TAF13: variants seen among roughly 807,000 people sequenced by gnomAD.
The protein encoded by TAF13 is TATA-box binding protein associated factor 13, also known as transcription initiation factor TFIID subunit 13.
Under a neutral mutation model 18.7 loss-of-function variants are expected in TAF13, and 9 were observed. That is an observed-to-expected ratio of 0.48 (90% CI 0.29 to 0.84). TAF13 has a LOEUF of 0.84. Among genes scored for constraint, TAF13 ranks in the 40% least tolerant of loss-of-function variants. The pLI, the probability that TAF13 is intolerant of heterozygous loss-of-function variation, is 0.08. For missense variants in TAF13, 105 were observed against 146.5 expected, an observed-to-expected ratio of 0.72 and a Z score of 1.46; for synonymous variants, 49 against 44.1, an observed-to-expected ratio of 1.11 and a Z score of -0.44.
chr1:109,071,729 G>A (rs141056309), intron 2 of TAF13, among the ~76,000 whole-genome samples: 2,403 of 151,556 alleles, frequency 0.016, 63 homozygotes, highest in African/African-American at 0.055. Flanking sequence ...CTGAGACGGC[G>A]GATCATGAGG....
chr1:109,065,242 C>A (rs1663932439), intron 3 of TAF13, among the ~76,000 whole-genome samples: 1 of 152,128 alleles, frequency 6.6e-6, no homozygotes, highest in Admixed American at 6.6e-5. Flanking sequence ...TGTAATCCAG[C>A]ACTTTGGGAG....
At chr1:109,074,892 T>C (rs1184526013) in intron 2 of TAF13, 95 bp downstream of exon 2, 3 of 916,060 alleles carry the variant, frequency 3.3e-6, no homozygotes, top group Non-Finnish European at 5.0e-6. Context: ...ATATTATCCC[T>C]ACAGGGAAAC....
intron 2 of TAF13, among the ~76,000 whole-genome samples, chr1:109,066,963 C>T (rs1420904515): frequency 6.6e-6 from 1 of 152,114 alleles, no homozygotes; most frequent in Admixed American, 6.5e-5. Flanking sequence ...TGGTGATCTG[C>T]GTGCCTCAGC....
chr1:109,075,667 ATC>A (rs1664166452), intron 1 of TAF13, among the ~76,000 whole-genome samples: 3 of 152,148 alleles, frequency 2.0e-5, no homozygotes, highest in Non-Finnish European at 1.5e-5. Context: ...GTTAGTTTTG[ATC>A]TCTGATGATT....
chr1:109,071,198 T>G (rs1380926183), intron 2 of TAF13, among the ~76,000 whole-genome samples: 5 of 152,184 alleles, frequency 3.3e-5, no homozygotes, highest in African/African-American at 9.6e-5. Context: ...TCCAGCACTT[T>G]GGGAGGCCGA....
rs570405119 is a variant in TAF13 at position 109,074,819 on chromosome 1, T to C, written c.106+168A>G. ...AGCAATTTATACACACACACACAAT[T>C]GGGGTTAGGATTGGTACTATCTGAT... On this transcript the variant is annotated intron_variant, in intron 2 of 3. Coordinates refer to ENST00000338366, the MANE Select transcript of TAF13 (RefSeq NM_005645.4). Among the ~76,000 whole-genome samples the C allele has an allele frequency of 1.1e-4, 17 of 151,576 alleles. 1 individual carries two copies. The East Asian group carries it at 1.9e-3, about 17-fold the overall frequency.
At position 109,064,680 on chromosome 1, in the gene TAF13, A is replaced by G. The variant is rs769764435; in HGVS notation, c.218T>C (p.Met73Thr). 7 of 1,519,574 alleles carry G rather than the reference A, an allele frequency of 4.6e-6. No homozygotes were observed. In the East Asian group the frequency reaches 1.2e-4, roughly 27 times the overall value. The allele number at this position is 1,519,574 out of a possible 1,614,324, so 94.1% of individuals were successfully genotyped here. The change falls in exon 4 of 4, where the codon ATG becomes ACG. Residue 73 changes from methionine (M) to threonine (T), a missense_variant. Coordinates refer to ENST00000338366, the MANE Select transcript of TAF13 (RefSeq NM_005645.4). ...TACTCGACCTTGTCTTCCAATTGACATTGCCTTGTGAGTCTATTACAAAGA... is the reference window on the plus strand; with the variant it reads ...TACTCGACCTTGTCTTCCAATTGACGTTGCCTTGTGAGTCTATTACAAAGA... ...EFITEMTHKA[M>T]SIGRQGRVQV...
chr1:109,065,293 A>C (rs1434245409), intron 3 of TAF13, among the ~76,000 whole-genome samples: 1 of 152,092 alleles, frequency 6.6e-6, no homozygotes, highest in Non-Finnish European at 1.5e-5. Context: ...GTTCAAGACC[A>C]ACCTGGGCAA....
In TAF13 at chr1:109,066,250, C is replaced by T. The variant is rs1219419383; in HGVS notation, c.107-18G>A. ...ACATCGCACTGTAAAAGAACAATCA[C>T]TTACTTTTGTTTACTTTTACAGATT... On this transcript the variant is annotated intron_variant, in intron 2 of 3. Transcript: ENST00000338366. 4 of 1,164,966 alleles carry T rather than the reference C, an allele frequency of 3.4e-6. No individual in the cohort carries two copies. The highest frequency in any genetic ancestry group is 4.7e-6 in the Non-Finnish European group (4 of 858,840). The allele number at this position is 1,164,966 out of a possible 1,614,324, so 72.2% of individuals were successfully genotyped here. A position where few individuals can be genotyped will look rare whatever the true frequency, so the allele number is the denominator to read the frequency against.
At position 109,064,273 on chromosome 1, in the gene TAF13, G is replaced by A. The variant is rs1663912879; in HGVS notation, c.*250C>T. ...AGTCAAAAGTCAGAACAACGGCATGGTTTGCAAGGTACTTTGACTTATGTG... is the reference window on the plus strand; with the variant it reads ...AGTCAAAAGTCAGAACAACGGCATGATTTGCAAGGTACTTTGACTTATGTG... On this transcript the variant is annotated 3_prime_UTR_variant, in exon 4 of 4. Transcript: ENST00000338366. 3.9e-6 allele frequency: 1 copy of A among 257,932 alleles called. No homozygotes were observed. Among genetic ancestry groups the A allele is most frequent in the Non-Finnish European group, 7.2e-6 (1 of 138,624 alleles). 16.0% of individuals were successfully genotyped at this position (257,932 alleles called of 1,614,324 possible).
chr1:109,069,855 A>G (rs550078891), intron 2 of TAF13, among the ~76,000 whole-genome samples: 6 of 152,178 alleles, frequency 3.9e-5, no homozygotes, highest in South Asian at 2.1e-4. Context: ...AAACAGGAGT[A>G]AAAAAACAAA....
At chr1:109,067,436 TA>T (rs71069643) in intron 2 of TAF13, among the ~76,000 whole-genome samples, 10,605 of 130,794 alleles carry the variant, frequency 0.081, 394 homozygotes, top group Middle Eastern at 0.19. Flanking sequence ...CTGTTTCTAC[TA>T]AAAAAAAAAA....
chr1:109,070,536 G>C (rs1664030394), intron 2 of TAF13, among the ~76,000 whole-genome samples: 1 of 150,608 alleles, frequency 6.6e-6, no homozygotes, highest in Non-Finnish European at 1.5e-5. Context: ...TGGAATTATA[G>C]GCATGCACCA....
At chr1:109,065,991 A>G (rs956859319) in intron 3 of TAF13, 144 bp downstream of exon 3, 8 of 639,462 alleles carry the variant, frequency 1.3e-5, no homozygotes, top group Non-Finnish European at 2.1e-5. Context: ...CCTCAATGAT[A>G]AATAGTAACC....
rs776338727 is a variant in TAF13 at position 109,075,019 on chromosome 1, T to A, written c.74A>T (p.Gln25Leu). 2 of 1,609,850 alleles carry A rather than the reference T, an allele frequency of 1.2e-6. No individual in the cohort carries two copies. The highest frequency in any genetic ancestry group is 2.2e-5 in the East Asian group (1 of 44,798). ...EEIGGGAEGG[Q>L]GKRKRLFSKE... The stretch of plus-strand genomic sequence containing the variant: ...AGAAAAAAGTCTCTTTCTTTTACCC[T>A]GTCCACCTTCTGCACCTCCTCCAAT... Residue 25 changes from glutamine to leucine, a missense_variant, in exon 2 of 4, where the codon CAG (glutamine) becomes CTG (leucine). By Grantham distance (113) the Gln-to-Leu change is moderately radical (BLOSUM62 -2). Coordinates refer to ENST00000338366, the MANE Select transcript of TAF13 (RefSeq NM_005645.4).
chr1:109,064,530 C>G lies in TAF13; in HGVS notation c.368G>C (p.Gly123Ala). 6.7e-7 allele frequency: 1 copy of G among 1,495,990 alleles called. No homozygotes were observed. The highest frequency in any genetic ancestry group is 8.9e-7 in the Non-Finnish European group (1 of 1,121,158). The allele number at this position is 1,495,990 out of a possible 1,614,324, so 92.7% of individuals were successfully genotyped here. A position where few individuals can be genotyped will look rare whatever the true frequency, so the allele number is the denominator to read the frequency against. Residue 123 changes from glycine to alanine, a missense_variant, in exon 4 of 4, where the codon GGA (glycine) becomes GCA (alanine). Coordinates refer to ENST00000338366, the MANE Select transcript of TAF13 (RefSeq NM_005645.4). The stretch of plus-strand genomic sequence containing the variant: ...CGGAAACTACAAAAAGTGTCAAGAT[C>G]CATAATTTGCTTCATCAAATGCTTT... ...ARKAFDEANY[G>A]S
chr1:109,069,910 T>C (rs1255890452), intron 2 of TAF13, among the ~76,000 whole-genome samples: 3 of 151,372 alleles, frequency 2.0e-5, no homozygotes, highest in Non-Finnish European at 4.4e-5. Flanking sequence ...GATTCTGTAC[T>C]TTTTTTTGCC....
At position 109,064,387 on chromosome 1, in the gene TAF13, T is replaced by C; in HGVS notation, c.*136A>G. On this transcript the variant is annotated 3_prime_UTR_variant, in exon 4 of 4. Coordinates refer to ENST00000338366, the MANE Select transcript of TAF13 (RefSeq NM_005645.4). ...CAATATCACCCTAAAATCAAAGGCATAAAAATAAAGGCTGAAAACTTTGTG... is the reference window on the plus strand; with the variant it reads ...CAATATCACCCTAAAATCAAAGGCACAAAAATAAAGGCTGAAAACTTTGTG... 2.5e-6 allele frequency: 2 copies of C among 811,060 alleles called. No homozygotes were observed. Among genetic ancestry groups the C allele is most frequent in the Non-Finnish European group, 3.4e-6 (2 of 580,732 alleles). 50.2% of individuals were successfully genotyped at this position (811,060 alleles called of 1,614,324 possible).
intron 2 of TAF13, 64 bp from the exon 3 acceptor site, chr1:109,066,296 AAAAT>A (rs1663950373): frequency 1.5e-6 from 2 of 1,324,354 alleles, no homozygotes; most frequent in Non-Finnish European, 2.1e-6. Flanking sequence ...ATACTTTAAA[AAAAT>A]AAAGTAGAAA....
Sources: allele counts gnomAD v4.1 joint callset (sites outside exome capture counted in the v4.1 genomes callset), GRCh38; gene constraint gnomAD v4.1.1; transcripts MANE v1.5; gene names NCBI Gene and HGNC (gene_info 2026-07-23, HGNC 2026-07-21).